LGI4: variants seen among roughly 807,000 people sequenced by gnomAD.
LGI4 encodes leucine rich repeat LGI family member 4.
Under a neutral mutation model 48.3 loss-of-function variants are expected in LGI4, and 36 were observed. The ratio of observed to expected loss-of-function variants is 0.75; its 90% CI spans 0.57 to 0.98. The LOEUF (loss-of-function observed/expected upper bound fraction) is 0.98. Ranked by LOEUF, LGI4 falls within the 50% of genes least tolerant of loss-of-function variation. LGI4 has a pLI of 0.00. For synonymous variants in LGI4, 355 were observed against 331.6 expected, an observed-to-expected ratio of 1.07 and a Z score of -0.77; for missense variants, 701 against 732.1, an observed-to-expected ratio of 0.96 and a Z score of 0.49.
chr19:35,126,033 G>C (rs2065132400), intron 8 of LGI4: 5 of 594,696 alleles, frequency 8.4e-6, no homozygotes, highest in Non-Finnish European at 1.5e-5. Context: ...ATGCATCCGA[G>C]TCACAGAGCC....
chr19:35,126,777 TGTGGGGAGGTGGG>T lies in LGI4; in HGVS notation c.794-15_794-3del. The stretch of plus-strand genomic sequence containing the variant: ...GCTTGCAGGACACCACGGAGGCCGC[TGTGGGGAGGTGGG>T]GAGGCAGGTCAGGCCAGCCAGGCAG... On this transcript the variant is annotated splice_region_variant and splice_polypyrimidine_tract_variant and intron_variant, in intron 7 of 8. Transcript: ENST00000310123. 4 of 1,558,250 alleles carry T rather than the reference TGTGGGGAGGTGGG, an allele frequency of 2.6e-6. No homozygotes were observed. The highest frequency in any genetic ancestry group is 3.5e-6 in the Non-Finnish European group (4 of 1,157,640).
intron 6 of LGI4, among the ~76,000 whole-genome samples, chr19:35,129,289 A>G (rs1435649453): frequency 6.6e-6 from 1 of 151,840 alleles, no homozygotes; most frequent in Non-Finnish European, 1.5e-5. Flanking sequence ...TAGAATAATA[A>G]TAATTATATG....
In LGI4 at chr19:35,129,634, C is replaced by T. The variant is rs2065161865; in HGVS notation, c.628+1752G>A. Among the ~76,000 whole-genome samples, 4 of 152,272 alleles carry T rather than the reference C, an allele frequency of 2.6e-5. No individual in the cohort carries two copies. In the South Asian group the frequency reaches 8.3e-4, roughly 32 times the overall value. The stretch of plus-strand genomic sequence containing the variant: ...TTCTCCATTCTCGATTAGCCGGGGA[C>T]ACAATGCACTGTGGAAGGCCGCAGG... On this transcript the variant is annotated intron_variant, in intron 6 of 8. Transcript: ENST00000310123.
Position 35,134,964 on chromosome 19 carries a change from C to A in LGI4, c.-284G>T, listed in dbSNP as rs2065199655. 4.6e-6 allele frequency: 2 copies of A among 431,176 alleles called. No homozygotes were observed. The highest frequency in any genetic ancestry group is 8.2e-6 in the Non-Finnish European group (2 of 243,368). 26.7% of individuals were successfully genotyped at this position (431,176 alleles called of 1,614,324 possible). A position where few individuals can be genotyped will look rare whatever the true frequency, so the allele number is the denominator to read the frequency against. Reference sequence around the variant, plus strand: ...TTTCTGTCTTTGTCTCTCTTTCTGCCTGTTTCTTTTTTTCTGTGTTGCTGT... The same window carrying A: ...TTTCTGTCTTTGTCTCTCTTTCTGCATGTTTCTTTTTTTCTGTGTTGCTGT... On this transcript the variant is annotated 5_prime_UTR_variant, in exon 1 of 9. In the 5' UTR this introduces an upstream ATG that the reference lacks. Coordinates refer to ENST00000310123, the MANE Select transcript of LGI4 (RefSeq NM_139284.3).
At chr19:35,128,675 G>C (rs2065155941) in intron 6 of LGI4, among the ~76,000 whole-genome samples, 1 of 152,152 alleles carries the variant, frequency 6.6e-6, no homozygotes, top group Non-Finnish European at 1.5e-5. Context: ...TTGTACCACT[G>C]AACTCCAGCC....
rs971807145 is a variant in LGI4 at position 35,131,371 on chromosome 19, G to A, written c.628+15C>T. The A allele has an allele frequency of 4.5e-6, 7 of 1,549,704 alleles. No individual in the cohort carries two copies. The highest frequency in any genetic ancestry group is 2.4e-5 in the East Asian group (1 of 40,916). On this transcript the variant is annotated intron_variant, in intron 6 of 8. Transcript: ENST00000310123. ...CAGATCTCCCGCCTCCCACCCCATC[G>A]GGAAAGCCCCCCACCTATGGCTCTG...
In LGI4 at chr19:35,127,025, TG is replaced by T; in HGVS notation, c.629-9del. The T allele has an allele frequency of 6.4e-7, 1 of 1,574,596 alleles. No homozygotes were observed. Among genetic ancestry groups the T allele is most frequent in the South Asian group, 1.1e-5 (1 of 88,216 alleles). On this transcript the variant is annotated splice_polypyrimidine_tract_variant and intron_variant, in intron 6 of 8. Coordinates refer to ENST00000310123, the MANE Select transcript of LGI4 (RefSeq NM_139284.3). ...TCTGGAACCAGGACAGCTCTGTGGG[TG>T]GAGAAGAGAGTCAGGCAGGCCCCAG...
At chr19:35,131,937 T>G (rs989480593) in intron 4 of LGI4, 34 bp downstream of exon 4, 39 of 1,575,992 alleles carry the variant, frequency 2.5e-5, no homozygotes, top group Non-Finnish European at 3.3e-5. Flanking sequence ...CATGGGTGCC[T>G]CTCATGGAGG....
chr19:35,125,492 C>G lies in LGI4; in HGVS notation c.1315G>C (p.Gly439Arg). The change falls in exon 9 of 9, where the codon GGC becomes CGC. Residue 439 changes from glycine to arginine, a missense_variant. Transcript: ENST00000310123. ...IGDSMVMRWD[G>R]SMFRLLQQLP... is the part of the protein sequence containing the mutation. Reference sequence around the variant, plus strand: ...TGCTGCAGCAGACGAAACATGGAGCCGTCCCAGCGCATGACCTGTGGGGGT... The same window carrying G: ...TGCTGCAGCAGACGAAACATGGAGCGGTCCCAGCGCATGACCTGTGGGGGT... The G allele has an allele frequency of 1.9e-6, 3 of 1,564,660 alleles. No homozygotes were observed. Among genetic ancestry groups the G allele is most frequent in the Non-Finnish European group, 2.6e-6 (3 of 1,152,628 alleles).
chr19:35,130,471 A>G lies in LGI4; in HGVS notation c.628+915T>C, dbSNP rs1156939431. ...AGGCTGAGGTAGGAAGATCACTTGA[A>G]GCCAGAAGTTCAAGACCAGCCTAGG... On this transcript the variant is annotated intron_variant, in intron 6 of 8. Coordinates refer to ENST00000310123, the MANE Select transcript of LGI4 (RefSeq NM_139284.3). Among the ~76,000 whole-genome samples, 4 of 152,246 alleles carry G rather than the reference A, an allele frequency of 2.6e-5. No individual in the cohort carries two copies. In the East Asian group the frequency reaches 7.7e-4, roughly 29 times the overall value.
chr19:35,125,870 T>C, intron 8 of LGI4: 1 of 561,548 alleles, frequency 1.8e-6, no homozygotes, highest in Non-Finnish European at 3.3e-6. Flanking sequence ...AGAGACCTTG[T>C]GAACACCTGA....
In LGI4 at chr19:35,126,838, G is replaced by C. The variant is rs1219658151; in HGVS notation, c.793+15C>G. On this transcript the variant is annotated intron_variant, in intron 7 of 8. Transcript: ENST00000310123. ...CAGGCTGCTGGACAGGCAGAAGGACGGGGAGGGGGCTCACCGGGCAGCTCT... is the reference window on the plus strand; with the variant it reads ...CAGGCTGCTGGACAGGCAGAAGGACCGGGAGGGGGCTCACCGGGCAGCTCT... 7 of 1,606,522 alleles carry C rather than the reference G, an allele frequency of 4.4e-6. No individual in the cohort carries two copies. The highest frequency in any genetic ancestry group is 5.9e-6 in the Non-Finnish European group (7 of 1,178,284).
At chr19:35,128,245 C>A (rs1399462410) in intron 6 of LGI4, among the ~76,000 whole-genome samples, 3 of 152,214 alleles carry the variant, frequency 2.0e-5, no homozygotes, top group Admixed American at 6.5e-5. Flanking sequence ...GGCACCAAGG[C>A]TGCTCCGCTT....
intron 7 of LGI4, 22 bp from the exon 8 acceptor site, chr19:35,126,797 G>A: frequency 6.3e-7 from 1 of 1,577,908 alleles, no homozygotes; most frequent in East Asian, 2.3e-5. Flanking sequence ...TGGGGAGGCA[G>A]GTCAGGCCAG....
rs752862334 is a variant in LGI4 at position 35,134,647 on chromosome 19, C to CCAG, written c.31_33dup (p.Leu11dup). The CCAG allele has an allele frequency of 2.0e-6, 3 of 1,523,932 alleles. No homozygotes were observed. Among genetic ancestry groups the CCAG allele is most frequent in the South Asian group, 2.4e-5 (2 of 82,978 alleles). 94.4% of individuals were successfully genotyped at this position (1,523,932 alleles called of 1,614,324 possible). ...CAGGCCACCACCACCCCCGCCCCAGCCAGCAGCAGCAGCAGAATGCCTGCC... is the reference window on the plus strand; with the variant it reads ...CAGGCCACCACCACCCCCGCCCCAGCCAGCAGCAGCAGCAGCAGAATGCCTGCC... On this transcript the variant is annotated inframe_insertion, in exon 1 of 9. Coordinates refer to ENST00000310123, the MANE Select transcript of LGI4 (RefSeq NM_139284.3).
At position 35,133,548 on chromosome 19, in the gene LGI4, C is replaced by T. The variant is rs777416394; in HGVS notation, c.314+145G>A. 2,295 of 1,474,084 alleles carry T rather than the reference C, an allele frequency of 1.6e-3. 6 individuals carry two copies. The highest frequency in any genetic ancestry group is 2.0e-3 in the Non-Finnish European group (2,200 of 1,114,596). 91.3% of individuals were successfully genotyped at this position (1,474,084 alleles called of 1,614,324 possible). On this transcript the variant is annotated intron_variant, in intron 3 of 8. Transcript: ENST00000310123. ...CCCAAAGCATCATCACCATTGGGTT[C>T]GCCATTTTTATCAACACCATCCCAC...
At chr19:35,130,690 C>T (rs2065168629) in intron 6 of LGI4, among the ~76,000 whole-genome samples, 2 of 152,160 alleles carry the variant, frequency 1.3e-5, no homozygotes. Flanking sequence ...GAATGAGACC[C>T]CAACTCTTAG....
intron 3 of LGI4, chr19:35,133,467 A>G: frequency 7.2e-7 from 1 of 1,380,764 alleles, no homozygotes; most frequent in Non-Finnish European, 9.3e-7. Context: ...AAGTGAGGTG[A>G]TAATCAACAC....
chr19:35,130,473 C>T (rs10417662), intron 6 of LGI4, among the ~76,000 whole-genome samples: 1,548 of 152,160 alleles, frequency 0.01, 35 homozygotes, highest in African/African-American at 0.036. Flanking sequence ...TCACTTGAAG[C>T]CAGAAGTTCA....
Sources: gnomAD v4.1 joint callset for allele counts (sites outside exome capture counted in the v4.1 genomes callset) on GRCh38, gnomAD v4.1.1 for gene constraint, MANE v1.5 for transcripts, NCBI Gene and HGNC (gene_info 2026-07-23, HGNC 2026-07-21) for gene names.